C1RL: variants seen among roughly 807,000 people sequenced by gnomAD.
C1RL encodes complement C1r subcomponent like.
In C1RL, 27 loss-of-function variants were observed where a neutral mutation model predicts 27.9. The observed-to-expected ratio is 0.97, with a 90% CI of 0.71 to 1.33. The LOEUF is 1.33. Among genes scored for constraint, C1RL ranks in the 40% most tolerant of loss-of-function variants. The pLI, the probability that C1RL is intolerant of heterozygous loss-of-function variation, is 0.00. For synonymous variants in C1RL, 248 were observed against 252.1 expected (o/e 0.98, Z 0.15); for missense variants, 563 against 623.9 (o/e 0.90, Z 1.04).
Position 7,094,572 on chromosome 12 carries a change from T to A in C1RL, c.*1819A>T, listed in dbSNP as rs1415208980. ...ATATAAATATAGGTATATATATATT[T>A]TTTTGCCTTGGCAGGGAGAAACTCA... On this transcript the variant is annotated 3_prime_UTR_variant, in exon 6 of 6. Coordinates refer to ENST00000266542, the MANE Select transcript of C1RL (RefSeq NM_016546.4). 17 of 790,208 alleles carry A rather than the reference T, an allele frequency of 2.2e-5. No homozygotes were observed. Among genetic ancestry groups the A allele is most frequent in the East Asian group, 1.3e-4 (1 of 7,816 alleles). The allele number at this position is 790,208 out of a possible 1,614,324, so 48.9% of individuals were successfully genotyped here.
chr12:7,096,217 C>A lies in C1RL; in HGVS notation c.*174G>T. On this transcript the variant is annotated 3_prime_UTR_variant, in exon 6 of 6. Coordinates refer to ENST00000266542, the MANE Select transcript of C1RL (RefSeq NM_016546.4). The stretch of plus-strand genomic sequence containing the variant: ...TCCTGTCTGGGATGGGGCGGGCTTG[C>A]CGGGTGGGGGTTTCTCTTGCAGTGG... 1.4e-6 allele frequency: 2 copies of A among 1,386,424 alleles called. No individual in the cohort carries two copies. The highest frequency in any genetic ancestry group is 1.7e-5 in the South Asian group (1 of 58,458). The allele number at this position is 1,386,424 out of a possible 1,614,324, so 85.9% of individuals were successfully genotyped here.
Position 7,095,552 on chromosome 12 carries a change from G to A in C1RL, c.*839C>T. ...GCTCACCTGGCTTCTGCAGGAGATG[G>A]GGCCATTAGGAAAGTGTGAGCTAGA... On this transcript the variant is annotated 3_prime_UTR_variant, in exon 6 of 6. Transcript: ENST00000266542. The A allele has an allele frequency of 1.0e-6, 1 of 986,004 alleles. No individual in the cohort carries two copies. Among genetic ancestry groups the A allele is most frequent in the Non-Finnish European group, 1.2e-6 (1 of 830,334 alleles). The allele number at this position is 986,004 out of a possible 1,614,324, so 61.1% of individuals were successfully genotyped here. A position where few individuals can be genotyped will look rare whatever the true frequency, so the allele number is the denominator to read the frequency against.
intron 5 of C1RL, 119 bp from the exon 6 acceptor site, chr12:7,097,282 C>CTT: frequency 2.7e-6 from 2 of 744,000 alleles, no homozygotes; most frequent in Non-Finnish European, 3.9e-6. Context: ...GGGATCAGGA[C>CTT]GTTTTTTTTT....
intron 5 of C1RL, chr12:7,099,293 A>AT (rs762669809): frequency 3.5e-5 from 6 of 170,598 alleles, no homozygotes; most frequent in East Asian, 1.9e-4. Flanking sequence ...TATCTCAATA[A>AT]TTTTTTTTAA....
chr12:7,098,561 C>A (rs1938521598), intron 5 of C1RL: 1 of 152,182 alleles, frequency 6.6e-6, no homozygotes, highest in African/African-American at 2.4e-5. Flanking sequence ...ATAGAGACAA[C>A]CCAAATGTCC....
Position 7,096,621 on chromosome 12 carries a change from GTC to G in C1RL, c.1232_1233del (p.Arg411ThrfsTer6). On this transcript the variant is annotated frameshift_variant, in exon 6 of 6. Transcript: ENST00000266542. LOFTEE classifies it low-confidence loss of function (END_TRUNC). The part of the protein sequence containing the change: ...ACNAWLQKRQ[R>X]PEVFSDNMFC... ...AACATATTGTCAGAAAACACCTCGG[GTC>G]TCTGTCTCTTTTGGAGCCAGGCGTT... 2 of 1,614,114 alleles carry G rather than the reference GTC, an allele frequency of 1.2e-6. No individual in the cohort carries two copies. Among genetic ancestry groups the G allele is most frequent in the South Asian group, 2.2e-5 (2 of 91,092 alleles).
rs1051317100 is a variant in C1RL, at chr12:7,097,055, C to G, written c.800G>C (p.Arg267Pro). The G allele has an allele frequency of 2.5e-6, 4 of 1,614,136 alleles. No homozygotes were observed. In the East Asian group the frequency reaches 6.7e-5, roughly 27 times the overall value. The change falls in exon 6 of 6, where the codon CGT (arginine) becomes CCT (proline). Residue 267 changes from arginine to proline, a missense_variant. Coordinates refer to ENST00000266542, the MANE Select transcript of C1RL (RefSeq NM_016546.4). ...GTCCCCCAGCAGGGCCCCGCCCCCA[C>G]GGCCGTGGATACTGGTGAAGGCTTG... ...PWQAFTSIHG[R>P]GGGALLGDRW...
At chr12:7,097,185 G>T in intron 5 of C1RL, 22 bp from the exon 6 acceptor site, 1 of 1,573,266 alleles carries the variant, frequency 6.4e-7, no homozygotes, top group Non-Finnish European at 8.6e-7. Flanking sequence ...GCGGGGTAGG[G>T]GTGACAGTCA....
intron 5 of C1RL, chr12:7,098,436 T>C (rs1297863157): frequency 1.3e-5 from 2 of 152,156 alleles, no homozygotes; most frequent in Non-Finnish European, 2.9e-5. Flanking sequence ...ACAGAATTAT[T>C]ATACAATCCA....
chr12:7,103,056 G>A (rs1415421804), intron 2 of C1RL, among the ~76,000 whole-genome samples: 1 of 152,164 alleles, frequency 6.6e-6, no homozygotes, highest in Non-Finnish European at 1.5e-5. Flanking sequence ...GAGTAACTGG[G>A]TAAAATTTGC....
Position 7,096,831 on chromosome 12 carries a change from G to A in C1RL, c.1024C>T (p.Leu342Phe), listed in dbSNP as rs1938448760. Residue 342 changes from leucine (L) to phenylalanine (F), a missense_variant, in exon 6 of 6, where the codon CTC (leucine) becomes TTC (phenylalanine). Leu to Phe is a conservative substitution (Grantham distance 22). Transcript: ENST00000266542. ...GGGATGCTGTGCTGCAGCTCCAGGA[G>A]GGCGATGTCCCCGCTAAAGTTATGG... is the stretch of plus-strand genomic sequence containing the variant. The part of the protein sequence containing the change: ...ESHNFSGDIA[L>F]LELQHSIPLG... 6.2e-7 allele frequency: 1 copy of A among 1,604,298 alleles called. No individual in the cohort carries two copies. Among genetic ancestry groups the A allele is most frequent in the Admixed American group, 1.7e-5 (1 of 59,354 alleles).
At chr12:7,105,235 A>G (rs1182431623) in intron 2 of C1RL, among the ~76,000 whole-genome samples, 2 of 151,498 alleles carry the variant, frequency 1.3e-5, no homozygotes, top group Non-Finnish European at 2.9e-5. Flanking sequence ...AGCTATCCAC[A>G]CAGAACTTCC....
At position 7,107,322 on chromosome 12, in the gene C1RL, C is replaced by G. The variant is rs772980465; in HGVS notation, c.300+929G>C. Among the ~76,000 whole-genome samples the G allele has an allele frequency of 9.2e-5, 14 of 152,190 alleles. No homozygotes were observed. In the South Asian group the frequency reaches 1.4e-3, roughly 16 times the overall value. ...TAGCTGGGACCACAGGTGCGTGCCA[C>G]CACACTTGGCTAATTTTTAAATTTT... is the stretch of plus-strand genomic sequence containing the variant. On this transcript the variant is annotated intron_variant, in intron 2 of 5. Coordinates refer to ENST00000266542, the MANE Select transcript of C1RL (RefSeq NM_016546.4).
In C1RL at chr12:7,104,083, T is replaced by C. The variant is rs781386268; in HGVS notation, c.301-1996A>G. On this transcript the variant is annotated intron_variant, in intron 2 of 5. Transcript: ENST00000266542. This position sits in a 1 kb window ranked among gnomAD's most constrained non-coding sequence, Gnocchi z 5.4. The stretch of plus-strand genomic sequence containing the variant: ...ACAGGTGTCAACACACTTTGGAAGA[T>C]GGAGTGGAGATGCAAGTGATAACTT... Among the ~76,000 whole-genome samples the C allele has an allele frequency of 6.6e-5, 10 of 152,066 alleles. No individual in the cohort carries two copies. Among genetic ancestry groups the C allele is most frequent in the Non-Finnish European group, 1.3e-4 (9 of 68,026 alleles).
intron 2 of C1RL, among the ~76,000 whole-genome samples, chr12:7,105,599 C>G (rs1938745918): frequency 6.6e-6 from 1 of 152,122 alleles, no homozygotes; most frequent in Non-Finnish European, 1.5e-5. Context: ...CAAGTATTAT[C>G]AGATATCGTA....
chr12:7,096,102 A>G lies in C1RL; in HGVS notation c.*289T>C. 8.5e-7 allele frequency: 1 copy of G among 1,174,352 alleles called. No individual in the cohort carries two copies. Among genetic ancestry groups the G allele is most frequent in the Non-Finnish European group, 1.1e-6 (1 of 950,046 alleles). The allele number at this position is 1,174,352 out of a possible 1,614,324, so 72.7% of individuals were successfully genotyped here. ...GGCGGTTCTAAGGACATTCAAGGCG[A>G]AAGTTGTTGAGATGTACAGGCTTCC... On this transcript the variant is annotated 3_prime_UTR_variant, in exon 6 of 6. Coordinates refer to ENST00000266542, the MANE Select transcript of C1RL (RefSeq NM_016546.4).
intron 2 of C1RL, chr12:7,107,961 C>G (rs534116202): frequency 2.9e-6 from 1 of 345,140 alleles, no homozygotes; most frequent in Non-Finnish European, 5.2e-6. Context: ...GTCCCTGCCC[C>G]TGGCTCCATA....
rs770764346 is a variant in C1RL, at chr12:7,109,011, T to TG, written c.71+98dup. 7.5e-4 allele frequency: 246 copies of TG among 325,950 alleles called. 2 individuals carry two copies. Among genetic ancestry groups the TG allele is most frequent in the African/African-American group, 2.2e-3 (26 of 11,654 alleles). The allele number at this position is 325,950 out of a possible 1,614,324, so 20.2% of individuals were successfully genotyped here. ...TGTGGGGGGGGGGGGGATGTGTGTG[T>TG]GGGGGGGGTAGGGTGGGGGGAGGGA... On this transcript the variant is annotated intron_variant, in intron 1 of 5. Coordinates refer to ENST00000266542, the MANE Select transcript of C1RL (RefSeq NM_016546.4).
chr12:7,097,356 C>T lies in C1RL; in HGVS notation c.692-193G>A, dbSNP rs1216321020. The T allele has an allele frequency of 1.3e-5, 7 of 547,228 alleles. No individual in the cohort carries two copies. In the African/African-American group the frequency reaches 1.4e-4, roughly 11 times the overall value. The allele number at this position is 547,228 out of a possible 1,614,324, so 33.9% of individuals were successfully genotyped here. On this transcript the variant is annotated intron_variant, in intron 5 of 5. Coordinates refer to ENST00000266542, the MANE Select transcript of C1RL (RefSeq NM_016546.4). Reference sequence around the variant, plus strand: ...GGAGCGTACTTGCGCGATCTCGGCTCACTGCAACCTCCGCCTCCTGCGCTC... The same window carrying T: ...GGAGCGTACTTGCGCGATCTCGGCTTACTGCAACCTCCGCCTCCTGCGCTC...
Sources: allele counts gnomAD v4.1 joint callset (sites outside exome capture counted in the v4.1 genomes callset), GRCh38; gene constraint gnomAD v4.1.1; non-coding constraint Gnocchi (gnomAD v3.1); transcripts MANE v1.5; gene names NCBI Gene and HGNC (gene_info 2026-07-23, HGNC 2026-07-21).